ARK2N: variants seen among roughly 807,000 people sequenced by gnomAD.
ARK2N encodes the protein protein ARK2N.
At chr18:46,181,194 A>T in the ARK2N span, among the ~76,000 whole-genome samples, 1 of 151,830 alleles carries the variant, frequency 6.6e-6, no homozygotes, top group African/African-American at 2.4e-5. Context: ...TGGGAGGTGA[A>T]AGTTGCAGTG....
At chr18:46,216,175 T>C in the ARK2N span, 1 of 1,613,964 alleles carries the variant, frequency 6.2e-7, no homozygotes, top group Non-Finnish European at 8.5e-7. The surrounding 1 kb of genome is among the most constrained non-coding windows in gnomAD (Gnocchi z 4.3). Flanking sequence ...TTCCCCTTCC[T>C]CTAGTGGTCA....
the ARK2N span, among the ~76,000 whole-genome samples, chr18:46,233,424 A>G: frequency 2.1e-4 from 32 of 152,266 alleles, 1 homozygote; most frequent in South Asian, 6.6e-3. Flanking sequence ...TTGTCCCTGA[A>G]ATAGATAAAT....
the ARK2N span, among the ~76,000 whole-genome samples, chr18:46,201,504 T>C: frequency 1.3e-5 from 2 of 152,126 alleles, no homozygotes; most frequent in African/African-American, 4.8e-5. Context: ...AGGGTGACGA[T>C]GCTTTCCTTC....
chr18:46,256,255 C>A, the ARK2N span, among the ~76,000 whole-genome samples: 1 of 152,296 alleles, frequency 6.6e-6, no homozygotes, highest in Non-Finnish European at 1.5e-5. Context: ...TAGTCTCTTA[C>A]TCTGTGCTAA....
the ARK2N span, among the ~76,000 whole-genome samples, chr18:46,189,705 C>T: frequency 2.0e-5 from 3 of 151,994 alleles, no homozygotes; most frequent in Non-Finnish European, 4.4e-5. Flanking sequence ...ATCCTTGTTT[C>T]TATAAAAAAT....
chr18:46,184,245 C>T, the ARK2N span, among the ~76,000 whole-genome samples: 1 of 152,166 alleles, frequency 6.6e-6, no homozygotes, highest in African/African-American at 2.4e-5. Context: ...CTGCCTTGGC[C>T]TCCCAAAGTG....
chr18:46,260,783 C>G, the ARK2N span, among the ~76,000 whole-genome samples: 5 of 152,154 alleles, frequency 3.3e-5, no homozygotes, highest in African/African-American at 1.2e-4. Flanking sequence ...CTGAAGAAGG[C>G]ATTGTTATTC....
At chr18:46,204,424 C>A in the ARK2N span, among the ~76,000 whole-genome samples, 1 of 152,108 alleles carries the variant, frequency 6.6e-6, no homozygotes, top group African/African-American at 2.4e-5. Flanking sequence ...TGTGCAAAGG[C>A]TTTGTTTTGT....
At chr18:46,249,996 C>A in the ARK2N span, among the ~76,000 whole-genome samples, 6 of 152,030 alleles carry the variant, frequency 3.9e-5, no homozygotes, top group Admixed American at 1.3e-4. Flanking sequence ...TCCCCGCCCC[C>A]CTCGCCCCAC....
the ARK2N span, among the ~76,000 whole-genome samples, chr18:46,213,840 G>A: frequency 3.9e-5 from 6 of 152,080 alleles, no homozygotes; most frequent in Non-Finnish European, 7.4e-5. Flanking sequence ...GGGACTACAG[G>A]CGCTCGCCAC....
At chr18:46,266,337 C>T in the ARK2N span, 1 of 152,626 alleles carries the variant, frequency 6.6e-6, no homozygotes, top group Admixed American at 6.5e-5. Context: ...GCAAGCTCCC[C>T]AATCCCTGTT....
the ARK2N span, among the ~76,000 whole-genome samples, chr18:46,248,705 A>G: frequency 2.6e-5 from 4 of 151,966 alleles, no homozygotes; most frequent in East Asian, 7.7e-4. Flanking sequence ...CTGCCTCAGC[A>G]TCCGGAGTAG....
At chr18:46,184,793 G>T in the ARK2N span, among the ~76,000 whole-genome samples, 7 of 152,174 alleles carry the variant, frequency 4.6e-5, no homozygotes, top group African/African-American at 1.7e-4. Context: ...TCTCTTCATA[G>T]AATTGAATGT....
At chr18:46,183,080 TAA>T in the ARK2N span, among the ~76,000 whole-genome samples, 1 of 141,146 alleles carries the variant, frequency 7.1e-6, no homozygotes, top group Non-Finnish European at 1.6e-5. Context: ...CTTACCACAC[TAA>T]AAAAAAAAAG....
the ARK2N span, chr18:46,215,872 A>G: frequency 1.2e-6 from 2 of 1,605,176 alleles, no homozygotes; most frequent in Non-Finnish European, 1.7e-6. Context: ...TTTAACTTGA[A>G]ATTCTGAAAT....
chr18:46,206,212 A>T, the ARK2N span, among the ~76,000 whole-genome samples: 1 of 151,850 alleles, frequency 6.6e-6, no homozygotes, highest in African/African-American at 2.4e-5. Flanking sequence ...CAGTTCCCTG[A>T]GTAGCTGAGA....
At chr18:46,245,346 T>C in the ARK2N span, among the ~76,000 whole-genome samples, 1 of 151,706 alleles carries the variant, frequency 6.6e-6, no homozygotes. Flanking sequence ...GGTGGGCAGA[T>C]CACGAGGTCA....
chr18:46,225,920 C>T, the ARK2N span, among the ~76,000 whole-genome samples: 1 of 152,154 alleles, frequency 6.6e-6, no homozygotes, highest in East Asian at 1.9e-4. Flanking sequence ...CCATCCTCTT[C>T]CTTGCTTTTT....
At chr18:46,258,227 T>C in the ARK2N span, among the ~76,000 whole-genome samples, 8 of 152,288 alleles carry the variant, frequency 5.3e-5, no homozygotes, top group Admixed American at 3.3e-4. Context: ...TGCCCAGGCC[T>C]GTTGCTAATA....
Sources: allele counts gnomAD v4.1 joint callset (sites outside exome capture counted in the v4.1 genomes callset), GRCh38; gene constraint gnomAD v4.1.1; non-coding constraint Gnocchi (gnomAD v3.1); transcripts MANE v1.5; gene names NCBI Gene and HGNC (gene_info 2026-07-23, HGNC 2026-07-21).